The following ADORA2B variants were observed in gnomAD, a reference collection of about 807,000 sequenced individuals.
ADORA2B encodes adenosine receptor A2b.
ADORA2B carries 18 observed loss-of-function variants against 20.8 expected under a neutral mutation model. The ratio of observed to expected loss-of-function variants is 0.87; its 90% CI spans 0.60 to 1.29. The LOEUF is 1.29. ADORA2B is among the 50% of genes most tolerant of loss of function. The probability of loss-of-function intolerance (pLI) is 0.00; values close to 1 mark genes in which losing one functional copy is unlikely to be tolerated. For missense variants in ADORA2B, 441 were observed against 422.7 expected (o/e 1.04, Z -0.38); for synonymous variants, 179 against 178.3 (o/e 1.00, Z -0.03).
chr17:15,891,074 C>T, the ADORA2B span, among the ~76,000 whole-genome samples: 4 of 152,194 alleles, frequency 2.6e-5, no homozygotes, highest in African/African-American at 9.6e-5. Context: ...CAAGACCAGC[C>T]TGGCCAACAT....
chr17:15,901,998 G>A, the ADORA2B span, among the ~76,000 whole-genome samples: 5 of 151,998 alleles, frequency 3.3e-5, no homozygotes, highest in South Asian at 8.3e-4. Flanking sequence ...TTCTCAAACC[G>A]GCACTCTGCG....
intron 1 of ADORA2B, among the ~76,000 whole-genome samples, chr17:15,970,821 G>C (rs1970181876): frequency 6.6e-6 from 1 of 152,154 alleles, no homozygotes; most frequent in African/African-American, 2.4e-5. Context: ...TTTGCCATCA[G>C]CTTTGTCTCC....
At chr17:15,910,302 C>CTT in the ADORA2B span, among the ~76,000 whole-genome samples, 3 of 145,048 alleles carry the variant, frequency 2.1e-5, no homozygotes, top group Admixed American at 1.4e-4. Flanking sequence ...AATACGTAAA[C>CTT]TTTTTTTTTT....
chr17:15,915,123 T>C, the ADORA2B span, among the ~76,000 whole-genome samples: 1 of 152,188 alleles, frequency 6.6e-6, no homozygotes, highest in Non-Finnish European at 1.5e-5. Context: ...TCCTGGAGGC[T>C]CTAGAAGAGA....
chr17:15,866,306 A>G, the ADORA2B span, among the ~76,000 whole-genome samples: 1 of 151,700 alleles, frequency 6.6e-6, no homozygotes, highest in Non-Finnish European at 1.5e-5. Context: ...ATTTTCATCA[A>G]CACTTGGTAG....
the ADORA2B span, among the ~76,000 whole-genome samples, chr17:15,871,075 T>C: frequency 2.0e-5 from 3 of 152,238 alleles, no homozygotes; most frequent in African/African-American, 7.2e-5. Flanking sequence ...CCTCTCCTGA[T>C]GGCCATGTTT....
At chr17:15,964,850 A>G (rs1164335600) in intron 1 of ADORA2B, among the ~76,000 whole-genome samples, 1 of 151,984 alleles carries the variant, frequency 6.6e-6, no homozygotes, top group Non-Finnish European at 1.5e-5. Flanking sequence ...TCACGAGGTC[A>G]GGAGATCGAG....
the ADORA2B span, among the ~76,000 whole-genome samples, chr17:15,864,317 T>G: frequency 6.6e-6 from 1 of 152,232 alleles, no homozygotes; most frequent in African/African-American, 2.4e-5. Context: ...GAAGCCAGTT[T>G]GCACTCCCAC....
the ADORA2B span, among the ~76,000 whole-genome samples, chr17:15,915,779 C>T: frequency 1.3e-5 from 2 of 152,062 alleles, no homozygotes; most frequent in Non-Finnish European, 2.9e-5. Flanking sequence ...ATATTTAAGC[C>T]CTCAGTGGAT....
intron 1 of ADORA2B, among the ~76,000 whole-genome samples, chr17:15,957,260 G>A (rs1213221739): frequency 6.6e-6 from 1 of 152,172 alleles, no homozygotes; most frequent in Non-Finnish European, 1.5e-5. Context: ...AATCATATAG[G>A]AAAGAGTCCT....
chr17:15,950,683 C>T (rs1364633285), intron 1 of ADORA2B, among the ~76,000 whole-genome samples: 13 of 152,188 alleles, frequency 8.5e-5, no homozygotes, highest in Admixed American at 8.5e-4. Context: ...ACCTAAGCCA[C>T]ATCATACCGT....
intron 1 of ADORA2B, among the ~76,000 whole-genome samples, chr17:15,947,995 G>T (rs866067449): frequency 6.6e-5 from 10 of 152,314 alleles, no homozygotes; most frequent in Middle Eastern, 3.4e-3. Flanking sequence ...GGCCTTCCTG[G>T]GGTTGTGGAA....
chr17:15,888,637 G>T, the ADORA2B span, among the ~76,000 whole-genome samples: 1 of 122,694 alleles, frequency 8.2e-6, no homozygotes, highest in East Asian at 2.1e-4. Flanking sequence ...TTTCTAGCAA[G>T]GATTTAATTG....
the ADORA2B span, among the ~76,000 whole-genome samples, chr17:15,898,445 A>G: frequency 7.0e-6 from 1 of 142,404 alleles, no homozygotes; most frequent in African/African-American, 2.6e-5. Flanking sequence ...CACTTTCTTA[A>G]TCTCCCACTT....
chr17:15,904,391 CTTTTT>C, the ADORA2B span, among the ~76,000 whole-genome samples: 2 of 126,426 alleles, frequency 1.6e-5, no homozygotes, highest in African/African-American at 3.2e-5. Context: ...TGTACTTCTG[CTTTTT>C]TTTTTTTTTT....
chr17:15,914,768 G>C, the ADORA2B span, among the ~76,000 whole-genome samples: 525 of 152,362 alleles, frequency 3.4e-3, 6 homozygotes, highest in African/African-American at 0.012. Context: ...AGGAAAACTT[G>C]GCTGTGTTGG....
the ADORA2B span, among the ~76,000 whole-genome samples, chr17:15,882,680 T>C: frequency 1.3e-5 from 2 of 152,204 alleles, no homozygotes; most frequent in Admixed American, 6.5e-5. Flanking sequence ...TTTACACTTT[T>C]TTCCATATAA....
chr17:15,913,954 C>T, the ADORA2B span, among the ~76,000 whole-genome samples: 21 of 152,232 alleles, frequency 1.4e-4, no homozygotes, highest in African/African-American at 5.1e-4. Context: ...CTAGACAACA[C>T]ATATGGCTGG....
At chr17:15,937,568 TC>T in the ADORA2B span, among the ~76,000 whole-genome samples, 1 of 148,316 alleles carries the variant, frequency 6.7e-6, no homozygotes, top group Admixed American at 6.7e-5. Context: ...TTTTCTTTTT[TC>T]CTTTTCTTTT....
Sources: allele counts gnomAD v4.1 joint callset (sites outside exome capture counted in the v4.1 genomes callset), GRCh38; gene constraint gnomAD v4.1.1; transcripts MANE v1.5; gene names NCBI Gene and HGNC (gene_info 2026-07-23, HGNC 2026-07-21).